DNAH14: variants seen among roughly 807,000 people sequenced by gnomAD.
DNAH14 encodes the protein axonemal beta dynein heavy chain 14.
In DNAH14, 478 loss-of-function variants were observed where a neutral mutation model predicts 520.9. The ratio of observed to expected loss-of-function variants is 0.92; its 90% CI spans 0.85 to 0.99. DNAH14 has a LOEUF of 0.99. Among genes scored for constraint, DNAH14 ranks in the 50% least tolerant of loss-of-function variants. The pLI is 0.00. For missense variants in DNAH14, 4,831 were observed against 5,234.5 expected, an observed-to-expected ratio of 0.92 and a Z score of 2.38; for synonymous variants, 1,581 against 1,757.2, an observed-to-expected ratio of 0.90 and a Z score of 2.51.
intron 11 of DNAH14, among the ~76,000 whole-genome samples, chr1:225,027,536 A>C (rs1165018316): frequency 1.3e-5 from 2 of 152,180 alleles, no homozygotes; most frequent in Non-Finnish European, 2.9e-5. Context: ...TACAGGAAGC[A>C]TGTCTGGGAG....
At chr1:225,270,887 T>C (rs908090151) in intron 50 of DNAH14, 21 bp downstream of exon 50, 4 of 1,540,892 alleles carry the variant, frequency 2.6e-6, no homozygotes, top group Non-Finnish European at 3.5e-6. Flanking sequence ...TAGTTCATTT[T>C]CTACTGAAAA....
At chr1:225,283,531 T>C (rs2093671723) in intron 54 of DNAH14, among the ~76,000 whole-genome samples, 1 of 151,764 alleles carries the variant, frequency 6.6e-6, no homozygotes, top group Admixed American at 6.6e-5. Flanking sequence ...GCCAAATACA[T>C]GGAACCAAAA....
chr1:224,931,925 G>C (rs1315459381), intron 1 of DNAH14, among the ~76,000 whole-genome samples: 2 of 152,126 alleles, frequency 1.3e-5, no homozygotes, highest in Non-Finnish European at 2.9e-5. Context: ...TGTGAGTGCA[G>C]GTATTCCTTT....
At position 225,231,203 on chromosome 1, in the gene DNAH14, C is replaced by T. The variant is rs2091074809; in HGVS notation, c.6518+52C>T. ...GTTTTAATAACCATTAGGTGCCAGACCCTCAAATATGCACAGGATTACTTC... is the reference window on the plus strand; with the variant it reads ...GTTTTAATAACCATTAGGTGCCAGATCCTCAAATATGCACAGGATTACTTC... On this transcript the variant is annotated intron_variant, in intron 42 of 85. Coordinates refer to ENST00000682510, the MANE Select transcript of DNAH14 (RefSeq NM_001367479.1). The T allele has an allele frequency of 4.9e-6, 6 of 1,216,778 alleles. No individual in the cohort carries two copies. The South Asian group carries it at 9.0e-5, about 18-fold the overall frequency. 75.4% of individuals were successfully genotyped at this position (1,216,778 alleles called of 1,614,324 possible).
rs551706951 is a variant in DNAH14 at position 225,362,351 on chromosome 1, G to A, written c.11987+1460G>A. The stretch of plus-strand genomic sequence containing the variant: ...GCACTTTGGGAGGCCAAGGCAGGCA[G>A]ATCACCTGAAGTCAGGCGTCTGAGA... On this transcript the variant is annotated intron_variant, in intron 75 of 85. Transcript: ENST00000682510. 1.2e-4 allele frequency among the ~76,000 whole-genome samples: 19 copies of A among 152,298 alleles called. No individual in the cohort carries two copies. The South Asian group carries it at 3.9e-3, about 32-fold the overall frequency.
chr1:224,975,888 C>G (rs2061795373), intron 8 of DNAH14, among the ~76,000 whole-genome samples: 1 of 151,964 alleles, frequency 6.6e-6, no homozygotes, highest in African/African-American at 2.4e-5. Flanking sequence ...CCCTCACACA[C>G]TGCTTTGAAT....
intron 36 of DNAH14, among the ~76,000 whole-genome samples, chr1:225,171,188 C>T (rs3991317): frequency 0.056 from 8,574 of 151,920 alleles, 476 homozygotes; most frequent in East Asian, 0.23. Flanking sequence ...AAATTGACAC[C>T]CTAACATCAC....
intron 49 of DNAH14, among the ~76,000 whole-genome samples, chr1:225,269,111 G>A (rs143963908): frequency 3.3e-5 from 5 of 152,232 alleles, no homozygotes; most frequent in African/African-American, 9.6e-5. Context: ...AAACAGCATC[G>A]TGCTGGTACC....
intron 1 of DNAH14, among the ~76,000 whole-genome samples, chr1:224,937,805 C>T (rs945471978): frequency 3.3e-5 from 5 of 151,970 alleles, no homozygotes; most frequent in African/African-American, 9.7e-5. Flanking sequence ...AAATGTACTC[C>T]CAAACTATAG....
intron 85 of DNAH14, 93 bp downstream of exon 85, chr1:225,398,759 G>A (rs1411830222): frequency 6.9e-7 from 1 of 1,451,356 alleles, no homozygotes; most frequent in Non-Finnish European, 9.2e-7. Context: ...CTACAATTTT[G>A]CAAGGGAGAT....
At chr1:225,358,078 G>A (rs184087808) in intron 73 of DNAH14, among the ~76,000 whole-genome samples, 168 of 152,276 alleles carry the variant, frequency 1.1e-3, no homozygotes, top group African/African-American at 3.9e-3. Context: ...ATTAATGGAA[G>A]AATTAATACT....
At chr1:225,201,903 C>G (rs972694481) in intron 38 of DNAH14, among the ~76,000 whole-genome samples, 1 of 117,040 alleles carries the variant, frequency 8.5e-6, no homozygotes, top group Non-Finnish European at 1.6e-5. Flanking sequence ...GAGACGAAGT[C>G]TTCCTCTTGT....
At chr1:225,260,887 T>G (rs1184938349) in intron 46 of DNAH14, among the ~76,000 whole-genome samples, 1 of 152,174 alleles carries the variant, frequency 6.6e-6, no homozygotes, top group Non-Finnish European at 1.5e-5. Context: ...AAGTACTCTT[T>G]TAATGGTCTT....
intron 69 of DNAH14, among the ~76,000 whole-genome samples, chr1:225,344,760 A>T (rs6664317): frequency 6.6e-6 from 1 of 150,912 alleles, no homozygotes; most frequent in Non-Finnish European, 1.5e-5. Flanking sequence ...CCATTGCCAC[A>T]CTAGAGTGCA....
At chr1:225,165,787 GT>G (rs2081987125) in intron 35 of DNAH14, among the ~76,000 whole-genome samples, 1 of 151,930 alleles carries the variant, frequency 6.6e-6, no homozygotes, top group Non-Finnish European at 1.5e-5. Flanking sequence ...GTTTTGCCGT[GT>G]TGCTCAGGCT....
intron 17 of DNAH14, among the ~76,000 whole-genome samples, chr1:225,074,828 C>G (rs1440727994): frequency 6.6e-6 from 1 of 152,198 alleles, no homozygotes; most frequent in African/African-American, 2.4e-5. Flanking sequence ...CTTCCAAGAG[C>G]TTCATCTCAG....
chr1:225,208,482 T>G (rs2087895064), intron 41 of DNAH14, among the ~76,000 whole-genome samples: 2 of 152,122 alleles, frequency 1.3e-5, no homozygotes, highest in South Asian at 4.1e-4. Context: ...ATTTTAAATA[T>G]ACAACAAATA....
At chr1:225,364,994 T>C (rs2095535643) in intron 76 of DNAH14, 100 bp downstream of exon 76, 2 of 820,996 alleles carry the variant, frequency 2.4e-6, no homozygotes, top group Non-Finnish European at 3.7e-6. Context: ...AGAAAGCTAA[T>C]TCTGATAAAT....
At chr1:225,043,193 G>T in intron 13 of DNAH14, 79 bp downstream of exon 13, 1 of 1,394,146 alleles carries the variant, frequency 7.2e-7, no homozygotes, top group Non-Finnish European at 9.5e-7. Context: ...ACTCTGGGAG[G>T]CTGAGGTGGG....
Sources: allele counts gnomAD v4.1 joint callset (sites outside exome capture counted in the v4.1 genomes callset), GRCh38; gene constraint gnomAD v4.1.1; transcripts MANE v1.5; gene names NCBI Gene and HGNC (gene_info 2026-07-23, HGNC 2026-07-21).